RBMS3: variants seen among roughly 807,000 people sequenced by gnomAD.
The protein encoded by RBMS3 is RNA binding motif single stranded interacting protein 3.
A neutral mutation model predicts 66.8 loss-of-function variants in RBMS3; 27 were observed. The observed-to-expected ratio is 0.40, with a 90% CI of 0.30 to 0.56. The LOEUF (loss-of-function observed/expected upper bound fraction) is 0.56. Ranked by LOEUF, RBMS3 falls within the 20% of genes least tolerant of loss-of-function variation. The pLI is 0.40. For missense variants in RBMS3, 513 were observed against 549.5 expected (o/e 0.93, Z 0.66); for synonymous variants, 188 against 183.0 (o/e 1.03, Z -0.22).
chr3:29,759,579 G>C (rs2055572586), intron 5 of RBMS3, among the ~76,000 whole-genome samples: 1 of 152,118 alleles, frequency 6.6e-6, no homozygotes, highest in Non-Finnish European at 1.5e-5. Flanking sequence ...GATAATGCTA[G>C]TGTCAGTTTC....
chr3:29,448,924 G>A (rs2041924811), intron 2 of RBMS3, among the ~76,000 whole-genome samples: 1 of 152,158 alleles, frequency 6.6e-6, no homozygotes, highest in South Asian at 2.1e-4. Context: ...CTCAAACCCA[G>A]ACATTACAGC....
At chr3:29,413,727 G>C (rs753035156) in intron 1 of RBMS3, among the ~76,000 whole-genome samples, 1 of 152,114 alleles carries the variant, frequency 6.6e-6, no homozygotes, top group Admixed American at 6.5e-5. Context: ...TTCCATTTCC[G>C]TTTCTAGGTG....
chr3:29,849,867 G>A (rs1296192233), intron 6 of RBMS3, among the ~76,000 whole-genome samples: 3 of 152,190 alleles, frequency 2.0e-5, no homozygotes, highest in Non-Finnish European at 4.4e-5. Flanking sequence ...GGTTTTAGGA[G>A]TATCAGCTCA....
chr3:29,996,668 A>G (rs1169789349), intron 14 of RBMS3, among the ~76,000 whole-genome samples: 1 of 151,936 alleles, frequency 6.6e-6, no homozygotes, highest in Non-Finnish European at 1.5e-5. Context: ...CTGAATGACT[A>G]CTGGGTACAT....
intron 6 of RBMS3, among the ~76,000 whole-genome samples, 166 bp downstream of exon 6, chr3:29,763,155 G>T (rs898408040): frequency 1.3e-5 from 2 of 151,954 alleles, no homozygotes; most frequent in South Asian, 2.1e-4. Context: ...TTTCTCAAAA[G>T]CTTTTTGGTA....
At chr3:29,288,543 T>C (rs1385602368) in intron 1 of RBMS3, among the ~76,000 whole-genome samples, 3 of 151,992 alleles carry the variant, frequency 2.0e-5, no homozygotes, top group Admixed American at 6.6e-5. Context: ...AAAAACTTAA[T>C]TGTGATAGTA....
chr3:29,520,876 A>G (rs2044829747), intron 3 of RBMS3, among the ~76,000 whole-genome samples: 1 of 152,132 alleles, frequency 6.6e-6, no homozygotes. Flanking sequence ...AATCTCAATG[A>G]AATACCTGCT....
chr3:29,606,167 G>A (rs1487817390), intron 4 of RBMS3, among the ~76,000 whole-genome samples: 2 of 151,644 alleles, frequency 1.3e-5, no homozygotes, highest in African/African-American at 4.8e-5. Context: ...AATTAAATAG[G>A]GGATGGCTGT....
chr3:29,735,516 A>G (rs571663636), intron 4 of RBMS3, among the ~76,000 whole-genome samples: 1 of 152,330 alleles, frequency 6.6e-6, no homozygotes, highest in African/African-American at 2.4e-5. Context: ...TAATAGATGT[A>G]TGAATTGTAG....
chr3:29,648,779 C>G (rs1446322651), intron 4 of RBMS3, among the ~76,000 whole-genome samples: 1 of 152,138 alleles, frequency 6.6e-6, no homozygotes, highest in Non-Finnish European at 1.5e-5. Context: ...ACCCCCGTCA[C>G]TTCTAGACAT....
At chr3:29,546,198 A>G (rs2045943403) in intron 3 of RBMS3, among the ~76,000 whole-genome samples, 1 of 150,812 alleles carries the variant, frequency 6.6e-6, no homozygotes. Context: ...TATTTAATTT[A>G]GCTACTTTAG....
chr3:29,312,542 C>A lies in RBMS3; in HGVS notation c.75+30786C>A, dbSNP rs190212226. Among the ~76,000 whole-genome samples, 202 of 151,750 alleles carry A rather than the reference C, an allele frequency of 1.3e-3. 2 individuals are homozygous for A. The highest frequency in any genetic ancestry group is 1.1e-3 in the Non-Finnish European group (76 of 67,794). Reference sequence around the variant, plus strand: ...CACAAATTTAAATCACTAATTAATTCTCATTCTTTCTGAACTCTTGCACTC... The same window carrying A: ...CACAAATTTAAATCACTAATTAATTATCATTCTTTCTGAACTCTTGCACTC... On this transcript the variant is annotated intron_variant, in intron 1 of 14. Coordinates refer to ENST00000383767, the MANE Select transcript of RBMS3 (RefSeq NM_001003793.3).
At chr3:29,341,052 G>T (rs994439439) in intron 1 of RBMS3, among the ~76,000 whole-genome samples, 3 of 151,960 alleles carry the variant, frequency 2.0e-5, no homozygotes, top group African/African-American at 7.3e-5. Flanking sequence ...AGGAGAGCCA[G>T]CCACTAGCAA....
At chr3:29,594,792 T>C (rs1427330121) in intron 4 of RBMS3, among the ~76,000 whole-genome samples, 1 of 152,206 alleles carries the variant, frequency 6.6e-6, no homozygotes, top group Non-Finnish European at 1.5e-5. Flanking sequence ...GGGTTGATCT[T>C]AATCCTATTC....
intron 3 of RBMS3, among the ~76,000 whole-genome samples, chr3:29,489,690 G>A (rs994279370): frequency 3.4e-5 from 5 of 146,726 alleles, no homozygotes; most frequent in Admixed American, 2.8e-4. Flanking sequence ...ACAGGTGGAT[G>A]TTCAGGAGAG....
intron 12 of RBMS3, among the ~76,000 whole-genome samples, chr3:29,986,980 A>G (rs940332893): frequency 1.3e-5 from 2 of 152,132 alleles, no homozygotes; most frequent in African/African-American, 2.4e-5. Context: ...AGAAAAAGAA[A>G]AGATGGACTA....
intron 1 of RBMS3, among the ~76,000 whole-genome samples, chr3:29,411,027 C>CT (rs1226958630): frequency 2.6e-5 from 4 of 151,086 alleles, no homozygotes; most frequent in African/African-American, 4.9e-5. Context: ...AATTCAACCA[C>CT]TTTTTTCTGG....
intron 2 of RBMS3, among the ~76,000 whole-genome samples, chr3:29,439,578 T>C (rs1028152622): frequency 2.1e-5 from 3 of 144,794 alleles, no homozygotes. Flanking sequence ...ATGAGTTGAT[T>C]TTTAGTTAAT....
chr3:29,530,878 A>T (rs1262034841), intron 3 of RBMS3, among the ~76,000 whole-genome samples: 2 of 152,008 alleles, frequency 1.3e-5, no homozygotes, highest in Non-Finnish European at 2.9e-5. Context: ...TCTCAAAAAA[A>T]AAAAAAAAGT....
Sources: gnomAD v4.1 joint callset for allele counts (sites outside exome capture counted in the v4.1 genomes callset) on GRCh38, gnomAD v4.1.1 for gene constraint, MANE v1.5 for transcripts, NCBI Gene and HGNC (gene_info 2026-07-23, HGNC 2026-07-21) for gene names.